Variants in CAST observed in about 807,000 individuals in gnomAD.
The protein encoded by CAST is calpastatin.
Under a neutral mutation model 119.6 loss-of-function variants are expected in CAST, and 76 were observed. That is an observed-to-expected ratio of 0.64 (90% CI 0.53 to 0.77). CAST has a LOEUF of 0.77. Among genes scored for constraint, CAST ranks in the 30% least tolerant of loss-of-function variants. CAST has a pLI of 0.00. For synonymous variants in CAST, 319 were observed against 331.6 expected, an observed-to-expected ratio of 0.96 and a Z score of 0.41; for missense variants, 953 against 946.5, an observed-to-expected ratio of 1.01 and a Z score of -0.09.
intron 1 of CAST, among the ~76,000 whole-genome samples, chr5:96,663,380 G>A (rs1052443952): frequency 6.6e-6 from 1 of 152,216 alleles, no homozygotes; most frequent in Non-Finnish European, 1.5e-5. Context: ...GAGCGCGCCC[G>A]AGCGTGCGCG....
At chr5:96,637,471 C>A (rs1422304106) in intron 1 of CAST, among the ~76,000 whole-genome samples, 1 of 152,180 alleles carries the variant, frequency 6.6e-6, no homozygotes, top group African/African-American at 2.4e-5. Flanking sequence ...ATGAATTCAG[C>A]TTCTTAGGGC....
At chr5:96,551,212 A>G (rs1225019203) in intron 1 of CAST, among the ~76,000 whole-genome samples, 1 of 152,260 alleles carries the variant, frequency 6.6e-6, no homozygotes, top group East Asian at 1.9e-4. Context: ...GACTAACAGC[A>G]GATCTCTCTG....
the CAST span, among the ~76,000 whole-genome samples, chr5:96,126,358 G>A: frequency 9.2e-5 from 14 of 151,996 alleles, no homozygotes; most frequent in South Asian, 2.1e-4. Flanking sequence ...TGTTCCATTC[G>A]TTGTCCTCTT....
chr5:96,298,180 A>C, the CAST span, among the ~76,000 whole-genome samples: 1 of 152,254 alleles, frequency 6.6e-6, no homozygotes, highest in African/African-American at 2.4e-5. Context: ...TCTCTGTAGC[A>C]ATGGTGCAAA....
intron 1 of CAST, chr5:96,585,073 A>C (rs1320709954): frequency 6.6e-6 from 1 of 152,194 alleles, no homozygotes; most frequent in African/African-American, 2.4e-5. Flanking sequence ...CAACTGGCAG[A>C]TATATGCACA....
At chr5:96,540,827 G>T (rs1207740943) in intron 1 of CAST, among the ~76,000 whole-genome samples, 1 of 152,152 alleles carries the variant, frequency 6.6e-6, no homozygotes, top group African/African-American at 2.4e-5. Flanking sequence ...GAAACTGCCT[G>T]ATATTTTTCT....
At chr5:96,061,076 T>A in the CAST span, among the ~76,000 whole-genome samples, 1 of 152,100 alleles carries the variant, frequency 6.6e-6, no homozygotes, top group East Asian at 1.9e-4. Flanking sequence ...CATTCAACCT[T>A]AATTACTTCC....
the CAST span, among the ~76,000 whole-genome samples, chr5:96,052,257 G>GC: frequency 6.6e-6 from 1 of 152,162 alleles, no homozygotes; most frequent in Non-Finnish European, 1.5e-5. Flanking sequence ...GGCCCCTTTG[G>GC]CAAGCCCAGC....
chr5:96,170,002 C>A, the CAST span, among the ~76,000 whole-genome samples: 286 of 152,232 alleles, frequency 1.9e-3, no homozygotes, highest in Non-Finnish European at 3.2e-3. Flanking sequence ...GGCAAAGGAA[C>A]AAGGCCCTTG....
chr5:96,501,992 A>G, the CAST span, among the ~76,000 whole-genome samples: 4 of 152,242 alleles, frequency 2.6e-5, no homozygotes, highest in Non-Finnish European at 5.9e-5. Flanking sequence ...TCATCTAACA[A>G]CACATTTCCC....
chr5:96,718,735 G>C (rs191451479), intron 3 of CAST, among the ~76,000 whole-genome samples: 1 of 152,176 alleles, frequency 6.6e-6, no homozygotes, highest in African/African-American at 2.4e-5. Context: ...GAACATGCAC[G>C]CAGCCCAGTG....
chr5:96,388,418 G>A, the CAST span, among the ~76,000 whole-genome samples: 1 of 152,190 alleles, frequency 6.6e-6, no homozygotes. Context: ...TTAAGGGGCA[G>A]TAGCTCCTGG....
the CAST span, among the ~76,000 whole-genome samples, chr5:96,037,119 A>G: frequency 6.6e-6 from 1 of 152,062 alleles, no homozygotes; most frequent in Admixed American, 6.6e-5. Context: ...AATCCCCACC[A>G]CATTAACTCC....
chr5:96,485,792 A>C, the CAST span, among the ~76,000 whole-genome samples: 6 of 152,120 alleles, frequency 3.9e-5, no homozygotes, highest in African/African-American at 7.2e-5. Flanking sequence ...CCCAGTCAAA[A>C]GTTTTTCTTT....
At chr5:96,446,948 G>A in the CAST span, among the ~76,000 whole-genome samples, 2 of 152,348 alleles carry the variant, frequency 1.3e-5, no homozygotes, top group African/African-American at 4.8e-5. Flanking sequence ...GGGGATTTGG[G>A]AGGAAAGGTA....
the CAST span, among the ~76,000 whole-genome samples, chr5:96,087,805 ACAGCAACCTCTACC>A: frequency 1.9e-4 from 29 of 152,330 alleles, no homozygotes; most frequent in African/African-American, 7.0e-4. Context: ...AGGCTGGGCA[ACAGCAACCTCTACC>A]CAGCAACCTC....
the CAST span, among the ~76,000 whole-genome samples, chr5:96,412,750 ATG>A: frequency 9.5e-5 from 6 of 63,410 alleles, no homozygotes; most frequent in Middle Eastern, 0.019. Flanking sequence ...GGCAGCTGTG[ATG>A]TTTTTTTTTT....
chr5:96,471,762 G>T, the CAST span, among the ~76,000 whole-genome samples: 1 of 132,004 alleles, frequency 7.6e-6, no homozygotes, highest in South Asian at 2.3e-4. Flanking sequence ...TTCAAATGGA[G>T]TCTGTGTGTG....
At chr5:96,701,430 C>T (rs1213610589) in intron 3 of CAST, among the ~76,000 whole-genome samples, 1 of 152,126 alleles carries the variant, frequency 6.6e-6, no homozygotes, top group Admixed American at 6.5e-5. Context: ...CCTAGATGAG[C>T]TTTTAGTCTA....
Sources: gnomAD v4.1 joint callset for allele counts (sites outside exome capture counted in the v4.1 genomes callset) on GRCh38, gnomAD v4.1.1 for gene constraint, MANE v1.5 for transcripts, NCBI Gene and HGNC (gene_info 2026-07-23, HGNC 2026-07-21) for gene names.